Variants in CFAP263 observed in about 807,000 individuals in gnomAD.
CFAP263 encodes the protein cilia and flagella associated protein 263.
At chr16:58,264,539 G>T in the CFAP263 span, among the ~76,000 whole-genome samples, 2 of 152,156 alleles carry the variant, frequency 1.3e-5, no homozygotes, top group Admixed American at 6.5e-5. Flanking sequence ...TTGAATGGGG[G>T]CTCTGCTGCG....
chr16:58,251,644 G>A, the CFAP263 span, among the ~76,000 whole-genome samples: 2 of 152,114 alleles, frequency 1.3e-5, no homozygotes, highest in Admixed American at 6.5e-5. Context: ...CACCTGCCTC[G>A]GCTTCCCAAA....
the CFAP263 span, chr16:58,258,632 C>T: frequency 2.0e-6 from 2 of 977,976 alleles, no homozygotes; most frequent in Non-Finnish European, 3.1e-6. Context: ...ATAAATGTTG[C>T]CCACATATGC....
chr16:58,252,781 T>A, the CFAP263 span: 1 of 1,613,516 alleles, frequency 6.2e-7, no homozygotes, highest in Admixed American at 1.7e-5. Context: ...AATATTACGC[T>A]AAACTGGAGC....
the CFAP263 span, chr16:58,253,902 A>G: frequency 1.7e-4 from 225 of 1,330,170 alleles, 1 homozygote; most frequent in Middle Eastern, 1.5e-3. Flanking sequence ...ACTCTGGGGA[A>G]CTTCTAGCAG....
the CFAP263 span, chr16:58,280,927 C>G: frequency 5.3e-5 from 32 of 608,394 alleles, 2 homozygotes; most frequent in South Asian, 7.3e-4. Context: ...ACCACAAATT[C>G]CAACAAGATG....
the CFAP263 span, among the ~76,000 whole-genome samples, chr16:58,251,252 C>G: frequency 6.6e-6 from 1 of 152,246 alleles, no homozygotes; most frequent in Non-Finnish European, 1.5e-5. Flanking sequence ...TAAGTTCACA[C>G]AGTCAGTGGT....
At chr16:58,278,551 GT>G in the CFAP263 span, 1 of 1,614,076 alleles carries the variant, frequency 6.2e-7, no homozygotes, top group African/African-American at 1.3e-5. Context: ...GGCACCACAG[GT>G]GATGACTTAC....
the CFAP263 span, among the ~76,000 whole-genome samples, chr16:58,268,358 G>A: frequency 2.0e-5 from 3 of 152,322 alleles, no homozygotes; most frequent in South Asian, 6.2e-4. Context: ...AGGAGAAAGA[G>A]TGCTGGACTC....
the CFAP263 span, chr16:58,249,961 G>T: frequency 8.0e-7 from 1 of 1,248,832 alleles, no homozygotes; most frequent in African/African-American, 1.5e-5. Flanking sequence ...CGTGGCCGCC[G>T]GCACCCGGAG....
the CFAP263 span, among the ~76,000 whole-genome samples, chr16:58,259,260 G>C: frequency 6.6e-6 from 1 of 152,110 alleles, no homozygotes; most frequent in African/African-American, 2.4e-5. Context: ...ATAGAGATGA[G>C]GTCTCACTGT....
the CFAP263 span, chr16:58,280,754 C>A: frequency 1.9e-6 from 3 of 1,598,560 alleles, no homozygotes; most frequent in African/African-American, 4.0e-5. Flanking sequence ...CTTCCTGGGT[C>A]CCCCTGTGAT....
the CFAP263 span, among the ~76,000 whole-genome samples, chr16:58,258,007 C>T: frequency 1.3e-5 from 2 of 150,722 alleles, no homozygotes; most frequent in South Asian, 4.2e-4. Flanking sequence ...ACTCAGGAGG[C>T]TGAGGCAGGA....
At chr16:58,266,397 ATATATATATT>A in the CFAP263 span, among the ~76,000 whole-genome samples, 1 of 43,404 alleles carries the variant, frequency 2.3e-5, no homozygotes, top group African/African-American at 1.0e-4. Flanking sequence ...ATATATATAT[ATATATATATT>A]TTTTTTTTTT....
At chr16:58,251,208 A>G in the CFAP263 span, among the ~76,000 whole-genome samples, 1 of 152,234 alleles carries the variant, frequency 6.6e-6, no homozygotes, top group Non-Finnish European at 1.5e-5. Flanking sequence ...GAAGTGGGTA[A>G]GGAAACAAAG....
At chr16:58,280,879 C>A in the CFAP263 span, 4 of 861,294 alleles carry the variant, frequency 4.6e-6, no homozygotes, top group Admixed American at 2.9e-5. Context: ...GGAAATGGGG[C>A]AAATTATAGG....
the CFAP263 span, chr16:58,250,213 C>G: frequency 3.1e-6 from 2 of 653,170 alleles, no homozygotes; most frequent in African/African-American, 3.8e-5. Flanking sequence ...AGATCCAAGC[C>G]CTCACTGAGC....
At chr16:58,282,123 C>T in the CFAP263 span, 1 of 152,262 alleles carries the variant, frequency 6.6e-6, no homozygotes, top group Non-Finnish European at 1.5e-5. Flanking sequence ...ATTCTCCTAC[C>T]TCAGCCTCCC....
chr16:58,273,656 A>G, the CFAP263 span, among the ~76,000 whole-genome samples: 2 of 152,198 alleles, frequency 1.3e-5, no homozygotes, highest in Non-Finnish European at 2.9e-5. Context: ...TTCGTCTGCT[A>G]AGTCCACCAT....
At chr16:58,266,088 T>G in the CFAP263 span, among the ~76,000 whole-genome samples, 2 of 152,144 alleles carry the variant, frequency 1.3e-5, no homozygotes, top group African/African-American at 4.8e-5. Context: ...GAACAGGAAA[T>G]GAGCCTTAAA....
Sources: allele counts gnomAD v4.1 joint callset (sites outside exome capture counted in the v4.1 genomes callset), GRCh38; gene constraint gnomAD v4.1.1; transcripts MANE v1.5; gene names NCBI Gene and HGNC (gene_info 2026-07-23, HGNC 2026-07-21).